The following FIGN variants were observed in gnomAD, a reference collection of about 807,000 sequenced individuals.
FIGN encodes the protein fidgetin, microtubule severing factor, also known as fidgetin.
FIGN carries 11 observed loss-of-function variants against 51.3 expected under a neutral mutation model. The observed-to-expected ratio is 0.21, with a 90% confidence interval of 0.13 to 0.35. FIGN has a LOEUF of 0.35. Among genes scored for constraint, FIGN ranks in the 10% least tolerant of loss-of-function variants. The pLI, the probability that FIGN is intolerant of heterozygous loss-of-function variation, is 1.00. For missense variants in FIGN, 857 were observed against 943.6 expected, an observed-to-expected ratio of 0.91 and a Z score of 1.20; for synonymous variants, 407 against 363.2, an observed-to-expected ratio of 1.12 and a Z score of -1.37.
intron 2 of FIGN, among the ~76,000 whole-genome samples, chr2:163,662,608 G>A (rs1215486485): frequency 6.6e-6 from 1 of 152,172 alleles, no homozygotes. Context: ...GGTGGTTCTG[G>A]GGGCCGGGCC....
At chr2:163,636,229 C>T (rs1432531049) in intron 2 of FIGN, among the ~76,000 whole-genome samples, 2 of 152,168 alleles carry the variant, frequency 1.3e-5, no homozygotes, top group African/African-American at 2.4e-5. Flanking sequence ...AAACTGTTTG[C>T]TACAACACTA....
intron 2 of FIGN, among the ~76,000 whole-genome samples, chr2:163,615,390 C>T (rs1468865516): frequency 2.6e-5 from 4 of 152,114 alleles, no homozygotes; most frequent in Non-Finnish European, 4.4e-5. Flanking sequence ...ATTGTCTTGG[C>T]CTTCGAAGTA....
At position 163,629,952 on chromosome 2, in the gene FIGN, CTTTTTTTTTTT is replaced by C. The variant is rs71297448; in HGVS notation, c.26-18157_26-18147del. ...CCAACATAGGGTGAAGAAAGGGGCACTTTTTTTTTTTTTTTTTTTTTTTTTTTTTTGACAGG... is the reference window on the plus strand; with the variant it reads ...CCAACATAGGGTGAAGAAAGGGGCACTTTTTTTTTTTTTTTTTTTGACAGG... On this transcript the variant is annotated intron_variant, in intron 2 of 2. Coordinates refer to ENST00000333129, the MANE Select transcript of FIGN (RefSeq NM_018086.4). Among the ~76,000 whole-genome samples, 72 of 56,926 alleles carry C rather than the reference CTTTTTTTTTTT, an allele frequency of 1.3e-3. 1 individual carries two copies. Among genetic ancestry groups the C allele is most frequent in the African/African-American group, 4.3e-3 (58 of 13,350 alleles). 37.3% of individuals were successfully genotyped at this position (56,926 alleles called of 152,430 possible).
At chr2:163,720,138 C>T (rs1262875468) in intron 2 of FIGN, among the ~76,000 whole-genome samples, 1 of 152,172 alleles carries the variant, frequency 6.6e-6, no homozygotes, top group African/African-American at 2.4e-5. Flanking sequence ...AAGCCAAGCC[C>T]CGTTTCCACA....
chr2:163,641,074 T>G (rs1044041074), intron 2 of FIGN, among the ~76,000 whole-genome samples: 7 of 152,218 alleles, frequency 4.6e-5, no homozygotes, highest in African/African-American at 1.7e-4. Context: ...CGTGCTACGC[T>G]GGGCTTTACC....
chr2:163,726,810 T>C (rs1191357026), intron 2 of FIGN, among the ~76,000 whole-genome samples: 1 of 152,112 alleles, frequency 6.6e-6, no homozygotes, highest in Non-Finnish European at 1.5e-5. Flanking sequence ...TTGCAAACAA[T>C]GAGACTGCCA....
intron 2 of FIGN, among the ~76,000 whole-genome samples, chr2:163,691,852 A>G (rs886232079): frequency 2.0e-5 from 3 of 152,156 alleles, no homozygotes; most frequent in Non-Finnish European, 4.4e-5. Flanking sequence ...TTGCAATTAG[A>G]ATAAAGAACA....
rs748271401 is a variant in FIGN at position 163,609,921 on chromosome 2, A to G, written c.1911T>C (p.Asp637=). 1 of 1,614,086 alleles carries G rather than the reference A, an allele frequency of 6.2e-7. No homozygotes were observed. The highest frequency in any genetic ancestry group is 1.1e-5 in the South Asian group (1 of 91,088). The change falls in exon 3 of 3, where the codon GAT becomes GAC. Residue 637 remains aspartate, a synonymous_variant. Transcript: ENST00000333129. ...ICATSKPEEI[D]ESLRRYFMKR... ...TCATGAAGTACCTCCGAAGGGATTCATCTATTTCTTCTGGTTTACTGGTGG... is the reference window on the plus strand; with the variant it reads ...TCATGAAGTACCTCCGAAGGGATTCGTCTATTTCTTCTGGTTTACTGGTGG...
At chr2:163,719,709 C>T (rs1258005239) in intron 2 of FIGN, among the ~76,000 whole-genome samples, 2 of 152,104 alleles carry the variant, frequency 1.3e-5, no homozygotes, top group Non-Finnish European at 2.9e-5. Flanking sequence ...TAGCAGCCTG[C>T]ATGATAACCC....
At chr2:163,717,769 C>T (rs1309228565) in intron 2 of FIGN, among the ~76,000 whole-genome samples, 1 of 152,028 alleles carries the variant, frequency 6.6e-6, no homozygotes, top group Non-Finnish European at 1.5e-5. Flanking sequence ...CCGTGTTAAT[C>T]GGGTGTAATT....
At position 163,621,355 on chromosome 2, in the gene FIGN, A is replaced by G. The variant is rs563973939; in HGVS notation, c.26-9549T>C. ...GTCTTGGACTTCGAAAAAAAATTCTATAGTCAGGGCTGGGTGACATAGTGC... is the reference window on the plus strand; with the variant it reads ...GTCTTGGACTTCGAAAAAAAATTCTGTAGTCAGGGCTGGGTGACATAGTGC... On this transcript the variant is annotated intron_variant, in intron 2 of 2. Coordinates refer to ENST00000333129, the MANE Select transcript of FIGN (RefSeq NM_018086.4). Among the ~76,000 whole-genome samples, 4 of 152,264 alleles carry G rather than the reference A, an allele frequency of 2.6e-5. No homozygotes were observed. In the South Asian group the frequency reaches 6.2e-4, roughly 24 times the overall value.
At chr2:163,717,986 G>T (rs968764909) in intron 2 of FIGN, among the ~76,000 whole-genome samples, 1 of 152,044 alleles carries the variant, frequency 6.6e-6, no homozygotes, top group Non-Finnish European at 1.5e-5. Context: ...GCCAGATGCT[G>T]TCAGTCAGAA....
intron 2 of FIGN, among the ~76,000 whole-genome samples, chr2:163,654,567 T>G (rs962126623): frequency 3.3e-5 from 5 of 152,124 alleles, no homozygotes; most frequent in African/African-American, 1.2e-4. Context: ...ATTTAACTTG[T>G]AAGCACCAAT....
intron 2 of FIGN, among the ~76,000 whole-genome samples, chr2:163,630,254 C>T (rs1188960030): frequency 6.6e-6 from 1 of 151,986 alleles, no homozygotes; most frequent in Non-Finnish European, 1.5e-5. Flanking sequence ...GCATGAGCCA[C>T]TGCACCCAGC....
At chr2:163,624,457 GA>G (rs1683023969) in intron 2 of FIGN, among the ~76,000 whole-genome samples, 2 of 151,168 alleles carry the variant, frequency 1.3e-5, no homozygotes, top group East Asian at 3.9e-4. Flanking sequence ...CACAAAAGGT[GA>G]CCTTATTTAG....
intron 2 of FIGN, among the ~76,000 whole-genome samples, chr2:163,612,951 GGT>G (rs1179287480): frequency 1.3e-5 from 2 of 151,598 alleles, no homozygotes; most frequent in Non-Finnish European, 2.9e-5. Flanking sequence ...TCATCTGCTG[GGT>G]TACTAAGTGA....
At chr2:163,634,674 G>A (rs1039480793) in intron 2 of FIGN, among the ~76,000 whole-genome samples, 4 of 152,166 alleles carry the variant, frequency 2.6e-5, no homozygotes, top group African/African-American at 4.8e-5. Context: ...CCTGTGATAA[G>A]TAAACATGAA....
At chr2:163,663,807 G>A (rs568960929) in intron 2 of FIGN, among the ~76,000 whole-genome samples, 13 of 151,830 alleles carry the variant, frequency 8.6e-5, no homozygotes, top group Non-Finnish European at 1.6e-4. Context: ...GCTTGAACCC[G>A]GGAGGCGGAG....
At chr2:163,650,486 G>C (rs1014331692) in intron 2 of FIGN, among the ~76,000 whole-genome samples, 3 of 152,016 alleles carry the variant, frequency 2.0e-5, no homozygotes, top group African/African-American at 4.8e-5. Flanking sequence ...GTGGTTTGTT[G>C]CACTAATCAG....
Sources: gnomAD v4.1 joint callset for allele counts (sites outside exome capture counted in the v4.1 genomes callset) on GRCh38, gnomAD v4.1.1 for gene constraint, MANE v1.5 for transcripts, NCBI Gene and HGNC (gene_info 2026-07-23, HGNC 2026-07-21) for gene names.